Variants in ANAPC1 observed in about 807,000 individuals in gnomAD.
The protein encoded by ANAPC1 is anaphase-promoting complex subunit 1.
ANAPC1 carries 36 observed loss-of-function variants against 208.0 expected under a neutral mutation model. That is an observed-to-expected ratio of 0.17 (90% confidence interval 0.13 to 0.23). The LOEUF (loss-of-function observed/expected upper bound fraction) is 0.23. Ranked by LOEUF, ANAPC1 falls within the 10% of genes least tolerant of loss-of-function variation. The pLI, the probability that ANAPC1 is intolerant of heterozygous loss-of-function variation, is 1.00. For missense variants in ANAPC1, 942 were observed against 2,011.6 expected (o/e 0.47, Z 10.17); for synonymous variants, 378 against 695.2 (o/e 0.54, Z 7.18).
intron 38 of ANAPC1, among the ~76,000 whole-genome samples, chr2:111,789,105 T>C (rs1205573059): frequency 1.3e-5 from 2 of 152,242 alleles, no homozygotes; most frequent in South Asian, 2.1e-4. Flanking sequence ...GCCACTGCAC[T>C]CCAGCCTGGG....
At chr2:111,845,776 T>C (rs1208311708) in intron 16 of ANAPC1, among the ~76,000 whole-genome samples, 2 of 151,892 alleles carry the variant, frequency 1.3e-5, no homozygotes, top group African/African-American at 2.4e-5. Context: ...AGATCGAGAC[T>C]ATCCTGGCTA....
At chr2:111,848,088 T>C (rs1472168086) in intron 14 of ANAPC1, among the ~76,000 whole-genome samples, 2 of 151,798 alleles carry the variant, frequency 1.3e-5, no homozygotes, top group Non-Finnish European at 2.9e-5. Context: ...TTTGAGGCTG[T>C]AGTGAGCCTG....
intron 35 of ANAPC1, among the ~76,000 whole-genome samples, chr2:111,794,569 A>C (rs1355724198): frequency 6.6e-6 from 1 of 152,186 alleles, no homozygotes; most frequent in Non-Finnish European, 1.5e-5. Context: ...AATTGTTGCC[A>C]ATTTCTTTAA....
rs554835916 is a variant in ANAPC1 at position 111,851,898 on chromosome 2, C to T, written c.1516-988G>A. ...GGTACTTAGCAAAAACAGAAATTCA[C>T]ATCTGTACAAGCTGAAAACTTGATA... On this transcript the variant is annotated intron_variant, in intron 13 of 47. Coordinates refer to ENST00000341068, the MANE Select transcript of ANAPC1 (RefSeq NM_022662.4). Among the ~76,000 whole-genome samples, 108 of 151,812 alleles carry T rather than the reference C, an allele frequency of 7.1e-4. 1 individual carries two copies. The highest frequency in any genetic ancestry group is 2.6e-3 in the African/African-American group (106 of 41,458).
intron 34 of ANAPC1, among the ~76,000 whole-genome samples, chr2:111,798,850 C>T (rs1330069098): frequency 2.0e-5 from 3 of 152,184 alleles, no homozygotes; most frequent in African/African-American, 7.2e-5. Context: ...TTGGCTAACA[C>T]AGTGAAACCC....
At chr2:111,854,239 T>G (rs1681574844) in intron 13 of ANAPC1, among the ~76,000 whole-genome samples, 1 of 152,178 alleles carries the variant, frequency 6.6e-6, no homozygotes, top group Non-Finnish European at 1.5e-5. Flanking sequence ...GGTAATATTT[T>G]GAAAGGAATC....
rs76010034 is a variant in ANAPC1, at chr2:111,834,618, G to A, written c.2370C>T (p.Leu790=). The A allele has an allele frequency of 4.0e-3, 6,345 of 1,594,718 alleles. 206 individuals carry two copies. In the African/African-American group the frequency reaches 0.073, roughly 18 times the overall value. Residue 790 remains leucine (L), a synonymous_variant, in exon 19 of 48, where the codon CTC becomes CTT. Transcript: ENST00000341068. ...AACAAATTTACCTTGCCAACTGAAC[G>A]AGAAGTTCAACAAGTGAACAAATTC... The part of the protein sequence containing the change: ...GEGICSLVEL[L]VQLARDLKLG...
At chr2:111,854,229 G>C (rs533072300) in intron 13 of ANAPC1, among the ~76,000 whole-genome samples, 1 of 152,102 alleles carries the variant, frequency 6.6e-6, no homozygotes, top group Non-Finnish European at 1.5e-5. Context: ...GTCAATGAGC[G>C]GTAATATTTT....
chr2:111,847,559 C>T (rs1280592426), intron 15 of ANAPC1, among the ~76,000 whole-genome samples, 166 bp downstream of exon 15: 1 of 152,062 alleles, frequency 6.6e-6, no homozygotes, highest in African/African-American at 2.4e-5. Context: ...AGAAAACAAG[C>T]AGAATTACTG....
At chr2:111,789,789 T>G (rs1443412823) in intron 38 of ANAPC1, among the ~76,000 whole-genome samples, 1 of 152,198 alleles carries the variant, frequency 6.6e-6, no homozygotes. Context: ...AGTAGCAGAA[T>G]GGTAGAAAAA....
chr2:111,840,997 A>G (rs549402275), intron 17 of ANAPC1, among the ~76,000 whole-genome samples: 1 of 152,324 alleles, frequency 6.6e-6, no homozygotes, highest in African/African-American at 2.4e-5. Context: ...GAGCCAGGAT[A>G]GCGCCACTGC....
Position 111,768,094 on chromosome 2 carries a change from G to A in ANAPC1, c.*1197C>T, listed in dbSNP as rs2685967. 3 of 151,562 alleles carry A rather than the reference G, an allele frequency of 2.0e-5. No individual in the cohort carries two copies. The highest frequency in any genetic ancestry group is 4.9e-5 in the African/African-American group (2 of 41,180). 9.4% of individuals were successfully genotyped at this position (151,562 alleles called of 1,614,324 possible). ...AGAAATATGAAGTCAGTGGATGAAG[G>A]TCTTGCTTCTACCAGCTTATGATCC... On this transcript the variant is annotated 3_prime_UTR_variant, in exon 48 of 48. Coordinates refer to ENST00000341068, the MANE Select transcript of ANAPC1 (RefSeq NM_022662.4).
intron 10 of ANAPC1, among the ~76,000 whole-genome samples, chr2:111,859,870 T>C (rs79079604): frequency 1.3e-5 from 2 of 152,208 alleles, no homozygotes; most frequent in East Asian, 3.8e-4. Flanking sequence ...TTTCAATACT[T>C]TCCCTTGAGT....
chr2:111,863,892 C>T lies in ANAPC1; in HGVS notation c.835G>A (p.Glu279Lys). Reference protein sequence around the residue: ...WTLRRVKSEEENVVLKFSEQG... With the variant: ...WTLRRVKSEEKNVVLKFSEQG... ...TCAGAGAACTTTAAAACAACATTCT[C>T]TTCCTTAAGTCAAAATAAAGAGAAA... is the stretch of plus-strand genomic sequence containing the variant. Residue 279 changes from glutamate to lysine, a missense_variant, in exon 9 of 48, where the codon GAG becomes AAG. By Grantham distance (56) the Glu-to-Lys change is moderately conservative (BLOSUM62 1). Coordinates refer to ENST00000341068, the MANE Select transcript of ANAPC1 (RefSeq NM_022662.4). 3.1e-6 allele frequency: 5 copies of T among 1,593,356 alleles called. No homozygotes were observed. Among genetic ancestry groups the T allele is most frequent in the Non-Finnish European group, 4.3e-6 (5 of 1,173,168 alleles).
chr2:111,770,371 T>C (rs1245584890), intron 47 of ANAPC1, among the ~76,000 whole-genome samples: 5 of 140,048 alleles, frequency 3.6e-5, no homozygotes, highest in African/African-American at 1.1e-4. Context: ...ACTTTTAAAA[T>C]GTCTTCCTTT....
chr2:111,808,531 G>A (rs1405860105), intron 29 of ANAPC1, among the ~76,000 whole-genome samples: 1 of 151,920 alleles, frequency 6.6e-6, no homozygotes, highest in Admixed American at 6.6e-5. Context: ...TCTATTGGAA[G>A]TGCTGTTATC....
chr2:111,812,814 G>A lies in ANAPC1; in HGVS notation c.3597+2556C>T, dbSNP rs1185434611. 1.5e-4 allele frequency among the ~76,000 whole-genome samples: 14 copies of A among 96,400 alleles called. 1 individual carries two copies. The Admixed American group carries it at 1.5e-3, about 11-fold the overall frequency. 63.2% of individuals were successfully genotyped at this position (96,400 alleles called of 152,430 possible). ...AAAGGGAGAAAAGGAACGAGAAAAAGGCAGAGGCACTAATAGCTGCCATAC... is the reference window on the plus strand; with the variant it reads ...AAAGGGAGAAAAGGAACGAGAAAAAAGCAGAGGCACTAATAGCTGCCATAC... On this transcript the variant is annotated intron_variant, in intron 28 of 47. Transcript: ENST00000341068.
intron 1 of ANAPC1, among the ~76,000 whole-genome samples, chr2:111,883,665 C>G (rs117964825): frequency 6.6e-6 from 1 of 152,156 alleles, no homozygotes; most frequent in South Asian, 2.1e-4. Flanking sequence ...CTCAGAGGGG[C>G]TGGAGGCCAG....
At chr2:111,784,904 CCA>C (rs1261693538) in intron 40 of ANAPC1, among the ~76,000 whole-genome samples, 4 of 89,988 alleles carry the variant, frequency 4.4e-5, no homozygotes, top group Non-Finnish European at 9.0e-5. Context: ...ATTTTGTACC[CCA>C]GAGCCTAGCA....
Sources: allele counts gnomAD v4.1 joint callset (sites outside exome capture counted in the v4.1 genomes callset), GRCh38; gene constraint gnomAD v4.1.1; transcripts MANE v1.5; gene names NCBI Gene and HGNC (gene_info 2026-07-23, HGNC 2026-07-21).